NDRG4: variants seen among roughly 807,000 people sequenced by gnomAD.
NDRG4 encodes NDRG family member 4.
NDRG4 carries 38 observed loss-of-function variants against 55.8 expected under a neutral mutation model. The ratio of observed to expected loss-of-function variants is 0.68; its 90% CI spans 0.53 to 0.89. The LOEUF (loss-of-function observed/expected upper bound fraction) is 0.89. Among genes scored for constraint, NDRG4 ranks in the 40% least tolerant of loss-of-function variants. The pLI is 0.00. For missense variants in NDRG4, 455 were observed against 468.6 expected (o/e 0.97, Z 0.27); for synonymous variants, 190 against 182.7 (o/e 1.04, Z -0.32).
At position 58,510,652 on chromosome 16, in the gene NDRG4, C is replaced by T. The variant is rs1454530142; in HGVS notation, c.873C>T (p.Tyr291=). Residue 291 remains tyrosine (Y), a synonymous_variant, in exon 14 of 15, where the codon TAC becomes TAT. Transcript: ENST00000570248. Reference sequence around the variant, plus strand: ...CTCTGTCTTCTCTCTTAGTTGCGTACTTGAAGGACCGAAGGCTGAGTGGAG... The same window carrying T: ...CTCTGTCTTCTCTCTTAGTTGCGTATTTGAAGGACCGAAGGCTGAGTGGAG... ...YFLQGMGYIA[Y]LKDRRLSGGA... 2.6e-6 allele frequency: 4 copies of T among 1,536,052 alleles called. No individual in the cohort carries two copies. The highest frequency in any genetic ancestry group is 1.7e-4 in the Middle Eastern group (1 of 5,990).
intron 1 of NDRG4, chr16:58,487,688 C>CT: frequency 7.6e-7 from 1 of 1,310,478 alleles, no homozygotes; most frequent in South Asian, 1.4e-5. Context: ...CCAGCCCCGA[C>CT]TTGCGCTGTC....
chr16:58,466,896 C>A (rs2031795717), intron 1 of NDRG4, among the ~76,000 whole-genome samples: 1 of 152,214 alleles, frequency 6.6e-6, no homozygotes, highest in Non-Finnish European at 1.5e-5. Context: ...GGGACCTAGA[C>A]CCTGGTGGGC....
Position 58,495,112 on chromosome 16 carries a change from C to T in NDRG4, c.117+104C>T, listed in dbSNP as rs1026850595. ...AGGGTCACAGCCCTTCTGTGTGCCC[C>T]CTGCCTAACAGAGAGATGCTGGGGT... is the stretch of plus-strand genomic sequence containing the variant. On this transcript the variant is annotated intron_variant, in intron 3 of 15. Transcript: ENST00000258187. The T allele has an allele frequency of 5.2e-6, 6 of 1,143,548 alleles. No individual in the cohort carries two copies. The Admixed American group carries it at 7.9e-5, about 15-fold the overall frequency. 70.8% of individuals were successfully genotyped at this position (1,143,548 alleles called of 1,614,324 possible).
chr16:58,503,776 C>T, intron 1 of NDRG4, 22 bp from the exon 2 acceptor site: 1 of 1,613,602 alleles, frequency 6.2e-7, no homozygotes, highest in Non-Finnish European at 8.5e-7. Flanking sequence ...CCAGAGTGTC[C>T]AGCACGGTCT....
At chr16:58,477,955 G>A (rs895430465) in intron 1 of NDRG4, among the ~76,000 whole-genome samples, 2 of 152,174 alleles carry the variant, frequency 1.3e-5, no homozygotes, top group African/African-American at 2.4e-5. Context: ...GACATCATGT[G>A]CCTGCTGATA....
In NDRG4 at chr16:58,464,783, C is replaced by G; in HGVS notation, c.-24+986C>G. On this transcript the variant is annotated intron_variant, in intron 1 of 15. Coordinates refer to the NDRG4 transcript ENST00000258187. This position sits in a 1 kb window ranked among gnomAD's most constrained non-coding sequence, Gnocchi z 4.8. ...AGGGCTCCTGCCCTCCAATCAGTGT[C>G]GCTTGTCCCCTAAGAAAGGACCCGT... 4.7e-6 allele frequency: 6 copies of G among 1,283,758 alleles called. No individual in the cohort carries two copies. The highest frequency in any genetic ancestry group is 5.9e-6 in the Non-Finnish European group (6 of 1,016,638). 79.5% of individuals were successfully genotyped at this position (1,283,758 alleles called of 1,614,324 possible).
upstream of NDRG4, among the ~76,000 whole-genome samples, chr16:58,498,714 C>T (rs933162525): frequency 2.0e-5 from 3 of 152,210 alleles, no homozygotes; most frequent in Non-Finnish European, 4.4e-5. Flanking sequence ...GCCCTGACCC[C>T]ACCCTTGCCC....
At chr16:58,484,913 C>T (rs939389656) in intron 1 of NDRG4, among the ~76,000 whole-genome samples, 8 of 143,374 alleles carry the variant, frequency 5.6e-5, no homozygotes, top group Admixed American at 1.4e-4. Flanking sequence ...GATGGAGTCT[C>T]GCTTTGTCCC....
intron 1 of NDRG4, among the ~76,000 whole-genome samples, chr16:58,482,731 CCCTT>C (rs1403111395): frequency 1.9e-4 from 11 of 58,216 alleles, no homozygotes; most frequent in East Asian, 5.5e-4. Flanking sequence ...CTCCCTCCCT[CCCTT>C]CCTTCCTCCC....
intron 2 of NDRG4, among the ~76,000 whole-genome samples, chr16:58,490,196 G>A (rs1206561771): frequency 1.3e-5 from 2 of 152,184 alleles, no homozygotes; most frequent in Non-Finnish European, 2.9e-5. Flanking sequence ...GTTTTGATAG[G>A]GCAGATGGTG....
intron 1 of NDRG4, chr16:58,501,020 G>A: frequency 8.0e-7 from 1 of 1,246,070 alleles, no homozygotes. Flanking sequence ...CCGTGAAGCT[G>A]GCAGGGCTAG....
chr16:58,508,136 C>T (rs2038290366), intron 10 of NDRG4, 137 bp downstream of exon 10: 3 of 715,558 alleles, frequency 4.2e-6, no homozygotes, highest in Admixed American at 3.1e-5. Flanking sequence ...GCTTCTTGTC[C>T]ACTTTCCCAC....
In NDRG4 at chr16:58,507,799, G is replaced by T. The variant is rs368833106; in HGVS notation, c.621-9G>T. 6.2e-7 allele frequency: 1 copy of T among 1,613,080 alleles called. No homozygotes were observed. Among genetic ancestry groups the T allele is most frequent in the Non-Finnish European group, 8.5e-7 (1 of 1,179,742 alleles). ...CACCTCTGCCTCTGCCCCTCCCCCT[G>T]CCCCACAGCCGCAGAGACCTGGACA... is the stretch of plus-strand genomic sequence containing the variant. On this transcript the variant is annotated splice_polypyrimidine_tract_variant and intron_variant, in intron 8 of 14. Coordinates refer to ENST00000570248, the MANE Select transcript of NDRG4 (RefSeq NM_001242835.2).
Position 58,512,001 on chromosome 16 carries a change from C to A in NDRG4, c.*425C>A. ...GCACTGGCGTGGGAGCCCTGGGAGA[C>A]CCCTTCCCCCACCCTCCACCAAGCA... On this transcript the variant is annotated 3_prime_UTR_variant, in exon 15 of 15. Coordinates refer to ENST00000570248, the MANE Select transcript of NDRG4 (RefSeq NM_001242835.2). The A allele has an allele frequency of 2.2e-6, 1 of 460,992 alleles. No individual in the cohort carries two copies. The highest frequency in any genetic ancestry group is 4.3e-6 in the Non-Finnish European group (1 of 230,158). The allele number at this position is 460,992 out of a possible 1,614,324, so 28.6% of individuals were successfully genotyped here.
chr16:58,504,436 A>G lies in NDRG4; in HGVS notation c.311+15A>G. 2 of 1,612,420 alleles carry G rather than the reference A, an allele frequency of 1.2e-6. No homozygotes were observed. Among genetic ancestry groups the G allele is most frequent in the South Asian group, 2.2e-5 (2 of 91,068 alleles). On this transcript the variant is annotated intron_variant, in intron 4 of 14. Transcript: ENST00000570248. The stretch of plus-strand genomic sequence containing the variant: ...CAGCATTTCGGGTGAGTCCCCGCAC[A>G]GCCCCTGCGCTAGGGCCCAGGGGTG...
At chr16:58,509,805 T>A (rs1476533296) in intron 13 of NDRG4, among the ~76,000 whole-genome samples, 1 of 152,104 alleles carries the variant, frequency 6.6e-6, no homozygotes, top group East Asian at 1.9e-4. Flanking sequence ...AGGGGCATCA[T>A]AGGAGTGGGC....
At chr16:58,491,439 G>T (rs532284180) in intron 2 of NDRG4, among the ~76,000 whole-genome samples, 1 of 144,338 alleles carries the variant, frequency 6.9e-6, no homozygotes, top group South Asian at 2.2e-4. Flanking sequence ...AGTGCTGAAA[G>T]CATCCATCCT....
chr16:58,494,817 G>T (rs555274447), intron 2 of NDRG4: 2 of 630,620 alleles, frequency 3.2e-6, no homozygotes, highest in South Asian at 4.1e-5. Flanking sequence ...GGGTGATAGA[G>T]TGAGACCCTG....
chr16:58,467,519 T>C (rs541039865), intron 1 of NDRG4, among the ~76,000 whole-genome samples: 4 of 151,874 alleles, frequency 2.6e-5, no homozygotes, highest in Admixed American at 1.3e-4. Context: ...AAAAAAAAAA[T>C]TGATTTAGTT....
Sources: gnomAD v4.1 joint callset for allele counts (sites outside exome capture counted in the v4.1 genomes callset) on GRCh38, gnomAD v4.1.1 for gene constraint, Gnocchi (gnomAD v3.1) non-coding constraint, MANE v1.5 for transcripts, NCBI Gene and HGNC (gene_info 2026-07-23, HGNC 2026-07-21) for gene names.